Variants in KMT2C observed in about 807,000 individuals in gnomAD.
KMT2C encodes lysine methyltransferase 2C.
In KMT2C, 88 loss-of-function variants were observed where a neutral mutation model predicts 507.9. The ratio of observed to expected loss-of-function variants is 0.17; its 90% CI spans 0.15 to 0.21. The LOEUF (loss-of-function observed/expected upper bound fraction) is 0.21, where lower values mean the gene tolerates loss of function less well. Ranked by LOEUF, KMT2C falls within the 10% of genes least tolerant of loss-of-function variation. The probability of loss-of-function intolerance (pLI) is 1.00; values close to 1 mark genes in which losing one functional copy is unlikely to be tolerated. For synonymous variants in KMT2C, 2,049 were observed against 2,080.8 expected, an observed-to-expected ratio of 0.98 and a Z score of 0.42; for missense variants, 4,954 against 5,957.8, an observed-to-expected ratio of 0.83 and a Z score of 5.55.
rs181304267 is a variant in KMT2C, at chr7:152,135,021, C to T, written c.*1811G>A. 1 of 228,600 alleles carries T rather than the reference C, an allele frequency of 4.4e-6. No homozygotes were observed. The highest frequency in any genetic ancestry group is 6.3e-5 in the East Asian group (1 of 15,862). The allele number at this position is 228,600 out of a possible 1,614,324, so 14.2% of individuals were successfully genotyped here. ...AACACTCTGTATACTTCAAAAAATT[C>T]AATTTTTGCCAACATTAGATACTAT... On this transcript the variant is annotated 3_prime_UTR_variant, in exon 59 of 59. Transcript: ENST00000262189.
chr7:152,398,457 A>C (rs1196497418), intron 1 of KMT2C, among the ~76,000 whole-genome samples: 1 of 152,230 alleles, frequency 6.6e-6, no homozygotes, highest in Non-Finnish European at 1.5e-5. Flanking sequence ...CATACATAGA[A>C]ATAGCAAAGG....
chr7:152,259,332 T>C (rs1240784121), intron 9 of KMT2C, among the ~76,000 whole-genome samples: 1 of 152,074 alleles, frequency 6.6e-6, no homozygotes, highest in Non-Finnish European at 1.5e-5. Flanking sequence ...AGAATATTCC[T>C]ACTATTAAGA....
chr7:152,322,162 A>T (rs1395439511), intron 3 of KMT2C, among the ~76,000 whole-genome samples: 2 of 151,886 alleles, frequency 1.3e-5, no homozygotes, highest in African/African-American at 4.8e-5. Context: ...CCAGAGTCTG[A>T]AACCAGCCTG....
intron 1 of KMT2C, among the ~76,000 whole-genome samples, chr7:152,426,230 GTTT>G (rs10709636): frequency 2.1e-5 from 2 of 94,562 alleles, no homozygotes; most frequent in Non-Finnish European, 4.1e-5. Flanking sequence ...TTATGTCATA[GTTT>G]TTTTTTTTTT....
intron 26 of KMT2C, among the ~76,000 whole-genome samples, chr7:152,201,527 A>C (rs1026189394): frequency 1.2e-4 from 18 of 149,434 alleles, no homozygotes; most frequent in African/African-American, 4.4e-4. Context: ...GATCAATAGG[A>C]GGAAAAGTAG....
In KMT2C at chr7:152,139,800, A is replaced by C. The variant is rs780775358; in HGVS notation, c.14344-9T>G. The C allele has an allele frequency of 1.1e-5, 17 of 1,593,504 alleles. No homozygotes were observed. The highest frequency in any genetic ancestry group is 1.7e-4 in the Middle Eastern group (1 of 6,052). The stretch of plus-strand genomic sequence containing the variant: ...GCATACAGGCCCAGCCCCTAAAAAA[A>C]AGTGTGTACATACTTCCAATTTATG... On this transcript the variant is annotated splice_polypyrimidine_tract_variant and intron_variant, in intron 55 of 58. Transcript: ENST00000262189.
rs1228591607 is a variant in KMT2C, at chr7:152,241,470, G to A, written c.2533-2644C>T. Among the ~76,000 whole-genome samples, 19 of 152,240 alleles carry A rather than the reference G, an allele frequency of 1.2e-4. No individual in the cohort carries two copies. In the East Asian group the frequency reaches 1.5e-3, roughly 12 times the overall value. ...ATCCCAAAGTGCTGGGATTACAGAC[G>A]TGAGCCACCACGGCCAGCCATGTCT... is the stretch of plus-strand genomic sequence containing the variant. On this transcript the variant is annotated intron_variant, in intron 14 of 58. Transcript: ENST00000262189.
chr7:152,422,164 G>A (rs1020224650), intron 1 of KMT2C, among the ~76,000 whole-genome samples: 11 of 151,838 alleles, frequency 7.2e-5, no homozygotes, highest in Admixed American at 1.3e-4. Context: ...TGGAGGCTTA[G>A]GGCTGGGCGC....
In KMT2C at chr7:152,273,756, T is replaced by C; in HGVS notation, c.961A>G (p.Ser321Gly). The C allele has an allele frequency of 6.2e-7, 1 of 1,614,130 alleles. No homozygotes were observed. Among genetic ancestry groups the C allele is most frequent in the Non-Finnish European group, 8.5e-7 (1 of 1,179,952 alleles). Residue 321 changes from serine (S) to glycine (G), a missense_variant, in exon 7 of 59, where the codon AGT (serine) becomes GGT (glycine). Ser to Gly is a moderately conservative substitution (Grantham distance 56). Around this residue, in one of 29 missense-constraint regions of KMT2C, gnomAD observed 24 missense variants for 82.7 expected, o/e 0.29. Coordinates refer to ENST00000262189, the MANE Select transcript of KMT2C (RefSeq NM_170606.3). Reference protein sequence around the residue: ...AAGAGTFQDFSHIFLLCPEHI... With the variant: ...AAGAGTFQDFGHIFLLCPEHI... Reference sequence around the variant, plus strand: ...TCTGGACAAAGCAGGAAGATGTGACTGAAATCCTGAAAGGTGCCGGCTCCT... The same window carrying C: ...TCTGGACAAAGCAGGAAGATGTGACCGAAATCCTGAAAGGTGCCGGCTCCT...
rs2129124814 is a variant in KMT2C at position 152,187,475 on chromosome 7, C to A, written c.4795G>T (p.Asp1599Tyr). 6.2e-6 allele frequency: 10 copies of A among 1,610,020 alleles called. No individual in the cohort carries two copies. The highest frequency in any genetic ancestry group is 8.5e-6 in the Non-Finnish European group (10 of 1,177,036). Residue 1599 changes from aspartate to tyrosine, a missense_variant and splice_region_variant, in exon 33 of 59, where the codon GAT (aspartate) becomes TAT (tyrosine). Around this residue, in one of 29 missense-constraint regions of KMT2C, gnomAD observed 195 missense variants for 183.7 expected, o/e 1.06. Coordinates refer to ENST00000262189, the MANE Select transcript of KMT2C (RefSeq NM_170606.3). Reference protein sequence around the residue: ...IAQSSYPDARDKNSAFNPMAS... With the variant: ...IAQSSYPDARYKNSAFNPMAS... ...ATTGGATTAAAGGCTGAATTTTTAT[C>A]CCTGGGAAAAAATAAATATCTTTAC...
chr7:152,408,434 G>A (rs2982760), intron 1 of KMT2C, among the ~76,000 whole-genome samples: 2,632 of 120,252 alleles, frequency 0.022, no homozygotes, highest in African/African-American at 0.051. Context: ...ATAGTTTATC[G>A]TACTCAGGGT....
chr7:152,426,559 T>C (rs888639661), intron 1 of KMT2C, among the ~76,000 whole-genome samples: 3 of 151,600 alleles, frequency 2.0e-5, no homozygotes, highest in African/African-American at 4.8e-5. Context: ...ATTTTTGGAG[T>C]GAGTTTGGTT....
chr7:152,354,220 GAA>G (rs1290329872), intron 2 of KMT2C, among the ~76,000 whole-genome samples: 1 of 152,096 alleles, frequency 6.6e-6, no homozygotes, highest in Admixed American at 6.5e-5. Context: ...GACAGCATGA[GAA>G]GACAGTCCAT....
chr7:152,259,019 A>G (rs1483382764), intron 9 of KMT2C, among the ~76,000 whole-genome samples: 1 of 152,228 alleles, frequency 6.6e-6, no homozygotes, highest in Non-Finnish European at 1.5e-5. Context: ...TACCCTGAGG[A>G]TGGATCAGTA....
intron 34 of KMT2C, among the ~76,000 whole-genome samples, chr7:152,185,047 G>C (rs2093580909): frequency 6.6e-6 from 1 of 152,202 alleles, no homozygotes; most frequent in South Asian, 2.1e-4. Flanking sequence ...GTGGGTCACT[G>C]TGCCTGGCCC....
At chr7:152,256,408 T>C (rs2095663148) in intron 9 of KMT2C, among the ~76,000 whole-genome samples, 1 of 150,386 alleles carries the variant, frequency 6.6e-6, no homozygotes, top group Non-Finnish European at 1.5e-5. Flanking sequence ...TCTACAAAAG[T>C]AAAAAATTAG....
At chr7:152,167,662 T>C (rs2092791049) in intron 41 of KMT2C, among the ~76,000 whole-genome samples, 1 of 152,208 alleles carries the variant, frequency 6.6e-6, no homozygotes, top group Non-Finnish European at 1.5e-5. Context: ...TGTAATGAAA[T>C]TCTTTTTTTT....
intron 26 of KMT2C, among the ~76,000 whole-genome samples, 179 bp downstream of exon 26, chr7:152,202,754 CA>C (rs2094186501): frequency 1.3e-5 from 2 of 151,720 alleles, no homozygotes; most frequent in African/African-American, 2.4e-5. Flanking sequence ...TCAAAGCACA[CA>C]AAAAAAGTAA....
chr7:152,317,445 A>C (rs943836318), intron 3 of KMT2C, among the ~76,000 whole-genome samples: 2 of 152,188 alleles, frequency 1.3e-5, no homozygotes, highest in Non-Finnish European at 2.9e-5. Context: ...ACTTTTCTGA[A>C]ACCCATCAGA....
Sources: gnomAD v4.1 joint callset for allele counts (sites outside exome capture counted in the v4.1 genomes callset) on GRCh38, gnomAD v4.1.1 for gene constraint, gnomAD v4.1.1 regional missense constraint, MANE v1.5 for transcripts, NCBI Gene and HGNC (gene_info 2026-07-23, HGNC 2026-07-21) for gene names.